API5: variants seen among roughly 807,000 people sequenced by gnomAD.
The protein encoded by API5 is FIF.
Under a neutral mutation model 71.9 loss-of-function variants are expected in API5, and 6 were observed. The observed-to-expected ratio is 0.08, with a 90% CI of 0.05 to 0.16. The LOEUF is 0.16. Ranked by LOEUF, API5 falls within the 10% of genes least tolerant of loss-of-function variation. The pLI is 1.00. For missense variants in API5, 332 were observed against 612.8 expected, an observed-to-expected ratio of 0.54 and a Z score of 4.84; for synonymous variants, 189 against 221.3, an observed-to-expected ratio of 0.85 and a Z score of 1.30.
chr11:43,328,202 C>A (rs190508298), intron 8 of API5, among the ~76,000 whole-genome samples: 2 of 152,294 alleles, frequency 1.3e-5, no homozygotes, highest in East Asian at 3.9e-4. Flanking sequence ...ATCTGGCACT[C>A]GTCCAGATGT....
intron 12 of API5, among the ~76,000 whole-genome samples, 178 bp downstream of exon 12, chr11:43,335,532 A>T (rs1855404318): frequency 6.6e-6 from 1 of 152,156 alleles, no homozygotes; most frequent in Non-Finnish European, 1.5e-5. Flanking sequence ...AACTGGTGGG[A>T]GGCAACGCTG....
intron 11 of API5, among the ~76,000 whole-genome samples, chr11:43,334,808 G>GT (rs927524631): frequency 7.9e-5 from 12 of 151,784 alleles, no homozygotes; most frequent in East Asian, 5.8e-4. Flanking sequence ...AGTTTTAGTG[G>GT]TTTTTTTTGT....
chr11:43,329,577 C>G (rs1401937409), intron 9 of API5, among the ~76,000 whole-genome samples: 1 of 152,098 alleles, frequency 6.6e-6, no homozygotes, highest in African/African-American at 2.4e-5. Context: ...TAGCATGGTG[C>G]CTGGCAAATA....
At chr11:43,336,143 T>C in intron 13 of API5, 149 bp downstream of exon 13, 5 of 1,034,994 alleles carry the variant, frequency 4.8e-6, no homozygotes, top group Non-Finnish European at 6.8e-6. Flanking sequence ...GTTGAGGAAA[T>C]GATTTATCCC....
Position 43,321,413 on chromosome 11 carries a change from G to T in API5, c.328G>T (p.Asp110Tyr). The T allele has an allele frequency of 6.2e-7, 1 of 1,607,438 alleles. No homozygotes were observed. Among genetic ancestry groups the T allele is most frequent in the South Asian group, 1.1e-5 (1 of 89,696 alleles). ...TATGCCACTTTTTCTTTATCCAGAT[G>T]ACTCTGCAGAATTTAACCTAGTGAA... ...DILTQLLQTD[D>Y]SAEFNLVNNA... Residue 110 changes from aspartate to tyrosine, a missense_variant and splice_region_variant, in exon 4 of 14, where the codon GAC becomes TAC. By Grantham distance (160) the Asp-to-Tyr change is radical. Around this residue, in one of 3 missense-constraint regions of API5, gnomAD observed 127 missense variants for 237.6 expected, o/e 0.53. Transcript: ENST00000531273.
chr11:43,320,968 T>C, intron 3 of API5, 54 bp downstream of exon 3: 2 of 1,451,200 alleles, frequency 1.4e-6, no homozygotes, highest in South Asian at 1.2e-5. Flanking sequence ...CTTTCTGAAA[T>C]GTTGACTCTG....
At chr11:43,339,821 A>ACCTGAT (rs908530274) in intron 13 of API5, among the ~76,000 whole-genome samples, 2 of 152,178 alleles carry the variant, frequency 1.3e-5, no homozygotes, top group African/African-American at 2.4e-5. Flanking sequence ...TTGTAGTCTA[A>ACCTGAT]CCTGATTTTC....
intron 13 of API5, chr11:43,336,275 C>T (rs1855430873): frequency 2.4e-6 from 1 of 422,778 alleles, no homozygotes; most frequent in African/African-American, 2.0e-5. Context: ...AATAAGTTGA[C>T]AGAACCATTC....
intron 1 of API5, among the ~76,000 whole-genome samples, chr11:43,317,419 G>A (rs1000679587): frequency 1.3e-5 from 2 of 151,730 alleles, no homozygotes; most frequent in Non-Finnish European, 2.9e-5. Context: ...TGAGTGTATT[G>A]TTCCAATAAA....
intron 11 of API5, among the ~76,000 whole-genome samples, chr11:43,333,698 G>A (rs1855334198): frequency 1.3e-5 from 2 of 152,094 alleles, no homozygotes; most frequent in African/African-American, 4.8e-5. Flanking sequence ...ACATTTTATT[G>A]TAAAGAGGTA....
Position 43,312,120 on chromosome 11 carries a change from C to A in API5, c.-8C>A. 1 of 1,613,528 alleles carries A rather than the reference C, an allele frequency of 6.2e-7. No homozygotes were observed. The highest frequency in any genetic ancestry group is 8.5e-7 in the Non-Finnish European group (1 of 1,179,888). ...TAGCGGAACCGGGCCCTGGGCTTGT[C>A]GCTCACCATGCCGACAGTAGAGGAG... On this transcript the variant is annotated 5_prime_UTR_variant, in exon 1 of 14. Transcript: ENST00000531273.
chr11:43,333,429 G>C (rs528386060), intron 11 of API5, among the ~76,000 whole-genome samples: 3 of 152,160 alleles, frequency 2.0e-5, no homozygotes, highest in Non-Finnish European at 4.4e-5. Context: ...GGGGAAAAAT[G>C]AGGATTGTTT....
Position 43,318,332 on chromosome 11 carries a change from T to G in API5, c.70-308T>G. 2.4e-6 allele frequency: 3 copies of G among 1,254,226 alleles called. No individual in the cohort carries two copies. In the South Asian group the frequency reaches 4.0e-5, roughly 17 times the overall value. 77.7% of individuals were successfully genotyped at this position (1,254,226 alleles called of 1,614,324 possible). The stretch of plus-strand genomic sequence containing the variant: ...CCCATTACAAATTTTTTAAGCATGA[T>G]ACAGTCACATGGCCAGAGTTAATAA... On this transcript the variant is annotated intron_variant, in intron 1 of 13. Transcript: ENST00000531273.
intron 3 of API5, 113 bp from the exon 4 acceptor site, chr11:43,321,298 T>C (rs191191477): frequency 2.2e-6 from 2 of 891,824 alleles, no homozygotes. Context: ...GCTTAAGTTA[T>C]AAGTTTCCTG....
chr11:43,323,881 T>G (rs535053882), intron 6 of API5, among the ~76,000 whole-genome samples: 2 of 152,320 alleles, frequency 1.3e-5, no homozygotes, highest in Non-Finnish European at 2.9e-5. Context: ...GAGCATCACA[T>G]TGGTGCTCAA....
chr11:43,330,019 TCTC>T lies in API5; in HGVS notation c.1184_1186del (p.Leu395del). The T allele has an allele frequency of 6.2e-7, 1 of 1,613,852 alleles. No individual in the cohort carries two copies. The highest frequency in any genetic ancestry group is 8.5e-7 in the Non-Finnish European group (1 of 1,179,858). ...TTTATATCAGACAACTTCGCTTAGC[TCTC>T]CAGGGTAAAACGGGTGAGGCCTTAA... On this transcript the variant is annotated inframe_deletion, in exon 10 of 14. Transcript: ENST00000531273.
intron 13 of API5, chr11:43,339,424 A>G (rs918885529): frequency 6.6e-6 from 1 of 152,228 alleles, no homozygotes; most frequent in African/African-American, 2.4e-5. Context: ...TTAGAAGTTA[A>G]TGAAGAGATT....
chr11:43,321,063 A>G, intron 3 of API5, 149 bp downstream of exon 3: 1 of 675,532 alleles, frequency 1.5e-6, no homozygotes, highest in Non-Finnish European at 2.5e-6. Flanking sequence ...TCAGTAGTTA[A>G]AGTGTAATGA....
chr11:43,334,987 T>C (rs979151855), intron 11 of API5, among the ~76,000 whole-genome samples: 1 of 152,228 alleles, frequency 6.6e-6, no homozygotes, highest in African/African-American at 2.4e-5. Flanking sequence ...CAAAACTTAT[T>C]TGCTGACTTT....
Sources: gnomAD v4.1 joint callset for allele counts (sites outside exome capture counted in the v4.1 genomes callset) on GRCh38, gnomAD v4.1.1 for gene constraint, gnomAD v4.1.1 regional missense constraint, MANE v1.5 for transcripts, NCBI Gene and HGNC (gene_info 2026-07-23, HGNC 2026-07-21) for gene names.